ZNF217: variants seen among roughly 807,000 people sequenced by gnomAD.
ZNF217 encodes the protein zinc finger protein 217.
Under a neutral mutation model 73.3 loss-of-function variants are expected in ZNF217, and 12 were observed. The ratio of observed to expected loss-of-function variants is 0.16; its 90% CI spans 0.10 to 0.27. The LOEUF is 0.27. ZNF217 is among the 10% of genes least tolerant of loss of function. The probability of loss-of-function intolerance (pLI) is 1.00; values close to 1 mark genes in which losing one functional copy is unlikely to be tolerated. For missense variants in ZNF217, 1,195 were observed against 1,327.8 expected, an observed-to-expected ratio of 0.90 and a Z score of 1.55; for synonymous variants, 588 against 516.4, an observed-to-expected ratio of 1.14 and a Z score of -1.88.
At position 53,581,014 on chromosome 20, in the gene ZNF217, A is replaced by G. The variant is rs1226478680; in HGVS notation, c.1366+447T>C. Among the ~76,000 whole-genome samples, 1 of 152,192 alleles carries G rather than the reference A, an allele frequency of 6.6e-6. No homozygotes were observed. The highest frequency in any genetic ancestry group is 1.5e-5 in the Non-Finnish European group (1 of 68,036). ...TCCTGTGCACTGTACCATGCTGAGC[A>G]GTGTCCCTGGCCTCTGCCCACTGGA... On this transcript the variant is annotated intron_variant, in intron 2 of 5. Coordinates refer to ENST00000371471, the MANE Select transcript of ZNF217 (RefSeq NM_006526.3). The surrounding 1 kb of genome is among the most constrained non-coding windows in gnomAD (Gnocchi z 4.9).
intron 1 of ZNF217, among the ~76,000 whole-genome samples, chr20:53,585,095 G>GAAAAAAAAAAAAAAAAAAAAAAAATA (rs748460021): frequency 2.1e-5 from 1 of 46,960 alleles, no homozygotes; most frequent in Non-Finnish European, 4.1e-5. Context: ...GTGAGAATTT[G>GAAAAAAAAAAAAAAAAAAAAAAAATA]AAAAAAAAAA....
Position 53,582,585 on chromosome 20 carries a change from T to C in ZNF217, c.242A>G (p.Asn81Ser). 6.2e-7 allele frequency: 1 copy of C among 1,614,186 alleles called. No individual in the cohort carries two copies. ...SQTFTHSEDL[N>S]KHVLMQHRPT... ...CCGGTGTTGCATTAAGACATGTTTA[T>C]TAAGGTCTTCTGAATGTGTGAAGGT... Residue 81 changes from asparagine to serine, a missense_variant, in exon 2 of 6, where the codon AAT (asparagine) becomes AGT (serine). Asn to Ser is a conservative substitution (Grantham distance 46, BLOSUM62 1). Coordinates refer to ENST00000371471, the MANE Select transcript of ZNF217 (RefSeq NM_006526.3). The surrounding 1 kb of genome is among the most constrained non-coding windows in gnomAD (Gnocchi z 4.8).
In ZNF217 at chr20:53,582,961, G is replaced by T; in HGVS notation, c.-135C>A. 2.1e-6 allele frequency: 2 copies of T among 945,640 alleles called. No individual in the cohort carries two copies. The highest frequency in any genetic ancestry group is 1.7e-5 in the African/African-American group (1 of 60,298). The allele number at this position is 945,640 out of a possible 1,614,324, so 58.6% of individuals were successfully genotyped here. ...TTATTATAAAAGTTCAAAAGAAAGT[G>T]TATAGTCCTCTAACTTCTTCGAACT... On this transcript the variant is annotated 5_prime_UTR_variant, in exon 2 of 6. Transcript: ENST00000371471. This position sits in a 1 kb window ranked among gnomAD's most constrained non-coding sequence, Gnocchi z 4.8.
chr20:53,576,771 C>T lies in ZNF217; in HGVS notation c.1993G>A (p.Glu665Lys). The change falls in exon 4 of 6, where the codon GAG becomes AAG. Residue 665 changes from glutamate to lysine, a missense_variant. Transcript: ENST00000371471. Reference protein sequence around the residue: ...TTHNLEVSPKEKQTETAADCR... With the variant: ...TTHNLEVSPKKKQTETAADCR... ...TCAGCTGCGGTCTCCGTTTGCTTCT[C>T]TTTGGGGCTAACTTCAAGGTTATGG... The T allele has an allele frequency of 1.2e-6, 2 of 1,614,192 alleles. No homozygotes were observed. Among genetic ancestry groups the T allele is most frequent in the Non-Finnish European group, 1.7e-6 (2 of 1,180,032 alleles).
rs200006230 is a variant in ZNF217, at chr20:53,576,964, C to T, written c.1800G>A (p.Gln600=). The T allele has an allele frequency of 2.9e-5, 46 of 1,614,018 alleles. No individual in the cohort carries two copies. Among genetic ancestry groups the T allele is most frequent in the Non-Finnish European group, 3.8e-5 (45 of 1,180,040 alleles). The part of the protein sequence containing the change: ...AVLSPAHKDT[Q]DFHKNAADDS... ...CATCAGCTGCATTTTTATGGAAATC[C>T]TGAGTATCTTTGTGTGCTGGTGAGA... The change falls in exon 4 of 6, where the codon CAG becomes CAA. Residue 600 remains glutamine (Q), a synonymous_variant. Transcript: ENST00000371471.
Position 53,581,528 on chromosome 20 carries a change from G to A in ZNF217, c.1299C>T (p.Ala433=), listed in dbSNP as rs540738231. The A allele has an allele frequency of 2.8e-5, 46 of 1,614,146 alleles. No homozygotes were observed. The South Asian group carries it at 4.3e-4, about 15-fold the overall frequency. The part of the protein sequence containing the change: ...DLAAPLDENG[A]VDRGEGGSED... ...CAGAACCACCTTCCCCTCGATCCAC[G>A]GCTCCATTTTCATCCAGAGGGGCGG... Residue 433 remains alanine, a synonymous_variant, in exon 2 of 6, where the codon GCC becomes GCT. Transcript: ENST00000371471. This position sits in a 1 kb window ranked among gnomAD's most constrained non-coding sequence, Gnocchi z 4.9.
chr20:53,575,710 C>T lies in ZNF217; in HGVS notation c.3037+17G>A, dbSNP rs372297841. ...ACTGTAGGCAGCCATTTAAACACGACGCCCCTCATGCAATACCTTCTAACG... is the reference window on the plus strand; with the variant it reads ...ACTGTAGGCAGCCATTTAAACACGATGCCCCTCATGCAATACCTTCTAACG... On this transcript the variant is annotated intron_variant, in intron 4 of 5. Coordinates refer to ENST00000371471, the MANE Select transcript of ZNF217 (RefSeq NM_006526.3). 16 of 1,540,288 alleles carry T rather than the reference C, an allele frequency of 1.0e-5. No individual in the cohort carries two copies. Among genetic ancestry groups the T allele is most frequent in the South Asian group, 5.0e-5 (4 of 79,546 alleles).
intron 2 of ZNF217, among the ~76,000 whole-genome samples, chr20:53,580,442 A>C (rs1988442989): frequency 6.6e-6 from 1 of 152,180 alleles, no homozygotes; most frequent in Admixed American, 6.5e-5. Context: ...CCTGCCCATC[A>C]GGGTCTTTTC....
chr20:53,577,511 T>C (rs1265259187), intron 3 of ZNF217, among the ~76,000 whole-genome samples: 1 of 152,224 alleles, frequency 6.6e-6, no homozygotes. Context: ...TTATTTAATC[T>C]TCCTAACAGC....
chr20:53,575,903 A>G lies in ZNF217; in HGVS notation c.2861T>C (p.Leu954Pro), dbSNP rs2145937397. ...KYHMVRGITS[L>P]LPQDCVYPSQ... ...CGGATACACACAGTCCTGCGGTAAC[A>G]GTGATGTGATGCCTCTGACCATATG... Residue 954 changes from leucine to proline, a missense_variant, in exon 4 of 6, where the codon CTG (leucine) becomes CCG (proline). Leu to Pro is a moderately conservative substitution (Grantham distance 98). Coordinates refer to ENST00000371471, the MANE Select transcript of ZNF217 (RefSeq NM_006526.3). 3 of 1,614,198 alleles carry G rather than the reference A, an allele frequency of 1.9e-6. No individual in the cohort carries two copies. Among genetic ancestry groups the G allele is most frequent in the Middle Eastern group, 1.6e-4 (1 of 6,062 alleles).
chr20:53,578,132 A>G (rs1988351428), intron 3 of ZNF217, among the ~76,000 whole-genome samples: 1 of 152,160 alleles, frequency 6.6e-6, no homozygotes, highest in African/African-American at 2.4e-5. Context: ...AAAGAAAGAA[A>G]AGAAATGAAC....
chr20:53,591,216 G>A (rs1988867139), intron 1 of ZNF217, among the ~76,000 whole-genome samples: 1 of 152,152 alleles, frequency 6.6e-6, no homozygotes, highest in African/African-American at 2.4e-5. Flanking sequence ...GATCTCACAA[G>A]TTACTAAAAA....
chr20:53,569,281 T>C lies in ZNF217; in HGVS notation c.*24-17A>G. Reference sequence around the variant, plus strand: ...CACCAAGACCTAAGGAAAACAACATTTTTTAAATGATTAAGATCAAAACTG... The same window carrying C: ...CACCAAGACCTAAGGAAAACAACATCTTTTAAATGATTAAGATCAAAACTG... On this transcript the variant is annotated splice_polypyrimidine_tract_variant and intron_variant, in intron 5 of 5. Coordinates refer to ENST00000371471, the MANE Select transcript of ZNF217 (RefSeq NM_006526.3). 1 of 1,290,376 alleles carries C rather than the reference T, an allele frequency of 7.7e-7. No homozygotes were observed. The highest frequency in any genetic ancestry group is 1.0e-6 in the Non-Finnish European group (1 of 990,330). 79.9% of individuals were successfully genotyped at this position (1,290,376 alleles called of 1,614,324 possible). A position where few individuals can be genotyped will look rare whatever the true frequency, so the allele number is the denominator to read the frequency against.
chr20:53,575,484 TAA>T (rs1988217418), intron 4 of ZNF217: 1 of 418,704 alleles, frequency 2.4e-6, no homozygotes. Context: ...AAAAATAAAG[TAA>T]GACTAAACAA....
intron 5 of ZNF217, among the ~76,000 whole-genome samples, chr20:53,571,347 CATT>C (rs1987988286): frequency 6.6e-6 from 1 of 150,638 alleles, no homozygotes; most frequent in Non-Finnish European, 1.5e-5. Context: ...AATTTTGTTA[CATT>C]ATATTAGACA....
At chr20:53,574,264 G>GAA (rs1988145800) in intron 4 of ZNF217, 1 of 152,178 alleles carries the variant, frequency 6.6e-6, no homozygotes, top group Admixed American at 6.5e-5. Context: ...CACTGAGGCA[G>GAA]AACCCAAGGA....
At chr20:53,594,553 C>T (rs1187423022), upstream of ZNF217, among the ~76,000 whole-genome samples, 1 of 151,696 alleles carries the variant, frequency 6.6e-6, no homozygotes, top group Non-Finnish European at 1.5e-5. Flanking sequence ...TCCCCGCGCC[C>T]CCCGCCCCGC....
At chr20:53,572,447 TTGCAACACACAGAGCC>T in intron 4 of ZNF217, among the ~76,000 whole-genome samples, 1 of 152,004 alleles carries the variant, frequency 6.6e-6, no homozygotes, top group East Asian at 1.9e-4. Context: ...AGGATCTGAC[TTGCAACACACAGAGCC>T]TTTTCCCCCT....
At chr20:53,596,682 G>GA (rs913432589), upstream of ZNF217, among the ~76,000 whole-genome samples, 6 of 152,110 alleles carry the variant, frequency 3.9e-5, no homozygotes, top group African/African-American at 1.4e-4. Flanking sequence ...AGTGAAAATT[G>GA]AAAATCGAAC....
Sources: allele counts gnomAD v4.1 joint callset (sites outside exome capture counted in the v4.1 genomes callset), GRCh38; gene constraint gnomAD v4.1.1; non-coding constraint Gnocchi (gnomAD v3.1); transcripts MANE v1.5; gene names NCBI Gene and HGNC (gene_info 2026-07-23, HGNC 2026-07-21).